The following MAP2K6 variants were observed in gnomAD, a reference collection of about 807,000 sequenced individuals.
MAP2K6 encodes the protein dual specificity mitogen-activated protein kinase kinase 6.
In MAP2K6, 16 loss-of-function variants were observed where a neutral mutation model predicts 53.7. That is an observed-to-expected ratio of 0.30 (90% CI 0.20 to 0.45). The LOEUF (loss-of-function observed/expected upper bound fraction) is 0.45. MAP2K6 is among the 20% of genes least tolerant of loss of function. The pLI, the probability that MAP2K6 is intolerant of heterozygous loss-of-function variation, is 1.00. For synonymous variants in MAP2K6, 132 were observed against 143.1 expected, an observed-to-expected ratio of 0.92 and a Z score of 0.55; for missense variants, 204 against 411.9, an observed-to-expected ratio of 0.50 and a Z score of 4.37.
intron 10 of MAP2K6, among the ~76,000 whole-genome samples, chr17:69,535,468 G>A (rs1018988122): frequency 1.2e-4 from 19 of 152,210 alleles, no homozygotes; most frequent in African/African-American, 4.1e-4. Flanking sequence ...GCACGTGCCT[G>A]TAATCCCAAC....
rs775010197 is a variant in MAP2K6, at chr17:69,517,599, A to G, written c.232A>G (p.Ile78Val). ...GATGCGGCACGTGCCCAGCGGGCAG[A>G]TCATGGCAGTGAAGGTAGAGTTGAC... ...EKMRHVPSGQ[I>V]MAVKRIRATV... Residue 78 changes from isoleucine to valine, a missense_variant, in exon 4 of 12, where the codon ATC becomes GTC. Physicochemically the swap from Ile to Val is conservative, Grantham distance 29. Coordinates refer to ENST00000590474, the MANE Select transcript of MAP2K6 (RefSeq NM_002758.4). 3 of 1,600,648 alleles carry G rather than the reference A, an allele frequency of 1.9e-6. No homozygotes were observed. The South Asian group carries it at 3.4e-5, about 18-fold the overall frequency.
chr17:69,423,507 ACTGGG>A (rs1906164359), intron 1 of MAP2K6, among the ~76,000 whole-genome samples: 1 of 152,182 alleles, frequency 6.6e-6, no homozygotes, highest in Non-Finnish European at 1.5e-5. Flanking sequence ...TCCATCGAAT[ACTGGG>A]GTCTCTTCAT....
intron 1 of MAP2K6, among the ~76,000 whole-genome samples, chr17:69,464,935 C>T (rs906327286): frequency 7.2e-5 from 11 of 151,810 alleles, no homozygotes; most frequent in South Asian, 2.1e-4. Flanking sequence ...TGGTTGGTCT[C>T]GAACTCCTGA....
chr17:69,436,589 C>T lies in MAP2K6; in HGVS notation c.16+21589C>T, dbSNP rs578028873. On this transcript the variant is annotated intron_variant, in intron 1 of 11. Coordinates refer to ENST00000590474, the MANE Select transcript of MAP2K6 (RefSeq NM_002758.4). ...GTATCCAGGGCGAGCCTTATGCAAA[C>T]TTATAAAGTGGACTAAGTTGGTTTT... is the stretch of plus-strand genomic sequence containing the variant. 9.9e-5 allele frequency among the ~76,000 whole-genome samples: 15 copies of T among 152,240 alleles called. No individual in the cohort carries two copies. In the South Asian group the frequency reaches 2.7e-3, roughly 27 times the overall value.
intron 1 of MAP2K6, among the ~76,000 whole-genome samples, chr17:69,501,177 C>G (rs1909155619): frequency 2.0e-5 from 3 of 152,194 alleles, no homozygotes; most frequent in Non-Finnish European, 4.4e-5. Flanking sequence ...ACTGGAAACA[C>G]TGCCATCCTT....
chr17:69,527,880 C>T (rs1555610601), intron 10 of MAP2K6, among the ~76,000 whole-genome samples: 1 of 152,110 alleles, frequency 6.6e-6, no homozygotes, highest in Non-Finnish European at 1.5e-5. Flanking sequence ...CTTTGGGAGG[C>T]CAAGGCGAGT....
intron 1 of MAP2K6, among the ~76,000 whole-genome samples, chr17:69,467,069 T>G (rs1907838230): frequency 6.6e-6 from 1 of 152,116 alleles, no homozygotes; most frequent in African/African-American, 2.4e-5. Context: ...TGGTAATGAC[T>G]CATGAACTGG....
chr17:69,505,862 C>A lies in MAP2K6; in HGVS notation c.83+16C>A. On this transcript the variant is annotated intron_variant, in intron 2 of 11. Coordinates refer to ENST00000590474, the MANE Select transcript of MAP2K6 (RefSeq NM_002758.4). ...CCAGTTCCACGTAAGTTGACAAGAC[C>A]ATCATCTGAATCCAAATCCTTGTGC... is the stretch of plus-strand genomic sequence containing the variant. The A allele has an allele frequency of 6.2e-7, 1 of 1,609,210 alleles. No homozygotes were observed.
chr17:69,496,543 A>C (rs753709178), intron 1 of MAP2K6, among the ~76,000 whole-genome samples: 47 of 151,942 alleles, frequency 3.1e-4, no homozygotes, highest in Non-Finnish European at 5.4e-4. Flanking sequence ...AATTTTTTGT[A>C]TTTTTAGTAG....
chr17:69,513,848 G>A (rs1909999801), intron 2 of MAP2K6, among the ~76,000 whole-genome samples: 1 of 152,030 alleles, frequency 6.6e-6, no homozygotes, highest in South Asian at 2.1e-4. Context: ...AGGATGGTGG[G>A]TGACGCCTGT....
chr17:69,415,517 C>T (rs1236140524), intron 1 of MAP2K6, among the ~76,000 whole-genome samples: 4 of 152,100 alleles, frequency 2.6e-5, no homozygotes, highest in African/African-American at 9.7e-5. Context: ...TCGCCTTGAA[C>T]ATTAGGTAAC....
At chr17:69,532,182 C>T (rs1328305544) in intron 10 of MAP2K6, among the ~76,000 whole-genome samples, 1 of 152,182 alleles carries the variant, frequency 6.6e-6, no homozygotes, top group East Asian at 1.9e-4. Context: ...CAGTCAAATA[C>T]AGTCTCCTAC....
chr17:69,540,422 G>A (rs1394125129), intron 11 of MAP2K6, among the ~76,000 whole-genome samples: 3 of 152,200 alleles, frequency 2.0e-5, no homozygotes, highest in Non-Finnish European at 4.4e-5. Context: ...ATCCATTTGG[G>A]GTAGGTTTGG....
intron 1 of MAP2K6, chr17:69,502,423 C>T (rs1598293827): frequency 2.1e-5 from 21 of 985,374 alleles, no homozygotes; most frequent in Non-Finnish European, 2.4e-5. Context: ...GGCAAGTAAG[C>T]GAACTGCAGA....
Position 69,519,344 on chromosome 17 carries a change from A to G in MAP2K6, c.278A>G (p.Gln93Arg). Reference protein sequence around the residue: ...RIRATVNSQEQKRLLMDLDIS... With the variant: ...RIRATVNSQERKRLLMDLDIS... ...CGAGCCACAGTAAATAGCCAGGAACAGAAACGGCTACTGATGGATTTGGAT... is the reference window on the plus strand; with the variant it reads ...CGAGCCACAGTAAATAGCCAGGAACGGAAACGGCTACTGATGGATTTGGAT... Residue 93 changes from glutamine (Q) to arginine (R), a missense_variant, in exon 5 of 12, where the codon CAG becomes CGG. By Grantham distance (43) the Gln-to-Arg change is conservative. This residue lies in a region of MAP2K6 where 129 missense variants were observed against 247.1 expected (regional missense o/e 0.52). Transcript: ENST00000590474. The G allele has an allele frequency of 6.2e-7, 1 of 1,614,020 alleles. No individual in the cohort carries two copies. The highest frequency in any genetic ancestry group is 8.5e-7 in the Non-Finnish European group (1 of 1,179,916).
intron 11 of MAP2K6, among the ~76,000 whole-genome samples, chr17:69,538,951 G>T (rs1371086023): frequency 6.6e-6 from 1 of 152,108 alleles, no homozygotes; most frequent in Non-Finnish European, 1.5e-5. Flanking sequence ...AATGGGGTGT[G>T]TGTGGCTGTG....
chr17:69,472,950 A>G lies in MAP2K6; in HGVS notation c.17-32830A>G, dbSNP rs910981095. Among the ~76,000 whole-genome samples the G allele has an allele frequency of 2.0e-5, 3 of 152,270 alleles. No homozygotes were observed. In the South Asian group the frequency reaches 6.2e-4, roughly 32 times the overall value. ...TCGAACTCCTGGACTCAAGTGATCCACATACCTCGGCCTCCCAAAGTGCTG... is the reference window on the plus strand; with the variant it reads ...TCGAACTCCTGGACTCAAGTGATCCGCATACCTCGGCCTCCCAAAGTGCTG... On this transcript the variant is annotated intron_variant, in intron 1 of 11. Transcript: ENST00000590474.
chr17:69,517,493 C>T lies in MAP2K6; in HGVS notation c.133-7C>T. ...TCCCATTGCATTATTCCTTTTCTCT[C>T]TTGCAGAACTTTGAGGTGAAGGCAG... On this transcript the variant is annotated splice_region_variant and splice_polypyrimidine_tract_variant and intron_variant, in intron 3 of 11. Transcript: ENST00000590474. 1.3e-6 allele frequency: 2 copies of T among 1,546,702 alleles called. No individual in the cohort carries two copies. Among genetic ancestry groups the T allele is most frequent in the East Asian group, 2.3e-5 (1 of 43,008 alleles).
intron 2 of MAP2K6, among the ~76,000 whole-genome samples, chr17:69,513,479 T>C (rs1028868239): frequency 2.0e-5 from 3 of 152,176 alleles, no homozygotes; most frequent in African/African-American, 7.2e-5. Context: ...GTTTCATTTT[T>C]CTCAATCTGG....
Sources: gnomAD v4.1 joint callset for allele counts (sites outside exome capture counted in the v4.1 genomes callset) on GRCh38, gnomAD v4.1.1 for gene constraint, gnomAD v4.1.1 regional missense constraint, MANE v1.5 for transcripts, NCBI Gene and HGNC (gene_info 2026-07-23, HGNC 2026-07-21) for gene names.